The following EYS variants were observed in gnomAD, a reference collection of about 807,000 sequenced individuals.
The protein encoded by EYS is EGF-like photoreceptor maintenance factor, also known as protein eyes shut homolog.
In EYS, 250 loss-of-function variants were observed where a neutral mutation model predicts 282.1. The observed-to-expected ratio is 0.89, with a 90% confidence interval of 0.80 to 0.98. EYS has a LOEUF of 0.98. Ranked by LOEUF, EYS falls within the 50% of genes least tolerant of loss-of-function variation. The pLI is 0.00. For synonymous variants in EYS, 1,355 were observed against 1,282.9 expected (o/e 1.06, Z -1.20); for missense variants, 4,016 against 3,709.0 (o/e 1.08, Z -2.15).
intron 12 of EYS, among the ~76,000 whole-genome samples, chr6:65,285,045 G>T (rs1768322038): frequency 6.6e-6 from 1 of 151,324 alleles, no homozygotes; most frequent in Non-Finnish European, 1.5e-5. Flanking sequence ...TCTATTAAAG[G>T]TCTTCCCTGA....
intron 36 of EYS, among the ~76,000 whole-genome samples, chr6:63,839,749 G>A (rs899728627): frequency 2.6e-5 from 4 of 152,178 alleles, no homozygotes; most frequent in Non-Finnish European, 4.4e-5. Flanking sequence ...CAGTGGAACT[G>A]TTGAATCACA....
intron 12 of EYS, among the ~76,000 whole-genome samples, chr6:65,095,133 C>T (rs556109571): frequency 1.3e-5 from 2 of 150,932 alleles, no homozygotes; most frequent in African/African-American, 2.4e-5. Flanking sequence ...TAAGACTTAT[C>T]GTGAAAAAAG....
At chr6:64,615,171 T>G (rs376254078) in intron 24 of EYS, among the ~76,000 whole-genome samples, 1 of 152,238 alleles carries the variant, frequency 6.6e-6, no homozygotes, top group East Asian at 1.9e-4. Context: ...TTAGTACTAA[T>G]GCAAATCAAT....
chr6:64,281,308 TA>T (rs1381795771), intron 30 of EYS, among the ~76,000 whole-genome samples: 23 of 152,198 alleles, frequency 1.5e-4, no homozygotes, highest in Admixed American at 3.3e-4. Flanking sequence ...ACTTGTATCT[TA>T]TTAAACTGTG....
chr6:64,223,333 ACAAT>A (rs1234209035), intron 31 of EYS, among the ~76,000 whole-genome samples: 1 of 152,100 alleles, frequency 6.6e-6, no homozygotes, highest in Non-Finnish European at 1.5e-5. Flanking sequence ...AATTAAAAGG[ACAAT>A]TAGTAAATTC....
intron 13 of EYS, among the ~76,000 whole-genome samples, chr6:65,002,793 A>T (rs1771507570): frequency 6.8e-6 from 1 of 147,674 alleles, no homozygotes; most frequent in Non-Finnish European, 1.5e-5. Context: ...GACATTTATT[A>T]GTTCCCCAAA....
intron 22 of EYS, among the ~76,000 whole-genome samples, chr6:64,748,182 A>G (rs1772617584): frequency 6.6e-6 from 1 of 152,228 alleles, no homozygotes; most frequent in Non-Finnish European, 1.5e-5. Context: ...TGTGCTACAT[A>G]TTTAAAGACA....
chr6:64,469,751 C>T (rs1028701604), intron 26 of EYS, among the ~76,000 whole-genome samples: 8 of 152,150 alleles, frequency 5.3e-5, no homozygotes, highest in African/African-American at 1.9e-4. Flanking sequence ...ACTCCTACAC[C>T]TCTTGTGGAG....
intron 12 of EYS, among the ~76,000 whole-genome samples, chr6:65,066,230 G>T (rs1469303756): frequency 6.6e-6 from 1 of 152,080 alleles, no homozygotes; most frequent in African/African-American, 2.4e-5. Flanking sequence ...CATGTATATT[G>T]TTACTAGAAT....
At chr6:63,869,199 G>T (rs1362488614) in intron 35 of EYS, among the ~76,000 whole-genome samples, 1 of 152,068 alleles carries the variant, frequency 6.6e-6, no homozygotes, top group Admixed American at 6.6e-5. Context: ...GCAAATAAAA[G>T]TCATAGAATG....
At chr6:64,456,153 G>A (rs1320798098) in intron 26 of EYS, among the ~76,000 whole-genome samples, 2 of 152,024 alleles carry the variant, frequency 1.3e-5, no homozygotes, top group Non-Finnish European at 2.9e-5. Context: ...TTGTGTAAGA[G>A]TTTTAGTTGA....
intron 1 of EYS, among the ~76,000 whole-genome samples, chr6:65,645,562 C>A (rs1487536742): frequency 6.6e-6 from 1 of 151,956 alleles, no homozygotes; most frequent in South Asian, 2.1e-4. Flanking sequence ...GGATTCAATG[C>A]CTATATCAAA....
At chr6:65,342,335 T>C (rs911885397) in intron 10 of EYS, among the ~76,000 whole-genome samples, 15 of 151,112 alleles carry the variant, frequency 9.9e-5, no homozygotes, top group African/African-American at 3.4e-4. Flanking sequence ...ATAACAGATA[T>C]AATTTAAAAG....
rs6903963 is a variant in EYS at position 63,953,880 on chromosome 6, G to T, written c.7055+30503C>A. ...AACAACTTGGCCTTACTGTTTTAGC[G>T]TAGCCCTCATGTCTGTGTGTGGTGG... is the stretch of plus-strand genomic sequence containing the variant. On this transcript the variant is annotated intron_variant, in intron 35 of 42. Coordinates refer to ENST00000503581, the MANE Select transcript of EYS (RefSeq NM_001142800.2). 7.9e-5 allele frequency among the ~76,000 whole-genome samples: 12 copies of T among 152,220 alleles called. No individual in the cohort carries two copies. In the South Asian group the frequency reaches 2.5e-3, roughly 32 times the overall value.
chr6:64,270,448 G>A (rs533486093), intron 30 of EYS, among the ~76,000 whole-genome samples: 1 of 151,936 alleles, frequency 6.6e-6, no homozygotes, highest in South Asian at 2.1e-4. Context: ...GGTATTGAGA[G>A]GTGAACGAAA....
intron 13 of EYS, among the ~76,000 whole-genome samples, chr6:65,024,382 T>C (rs906212912): frequency 6.6e-6 from 1 of 152,200 alleles, no homozygotes; most frequent in Non-Finnish European, 1.5e-5. Context: ...TTAGTAGGTA[T>C]TGTAGTCATT....
intron 12 of EYS, among the ~76,000 whole-genome samples, chr6:65,071,735 A>G (rs1418099726): frequency 6.6e-6 from 1 of 151,828 alleles, no homozygotes; most frequent in Admixed American, 6.6e-5. Flanking sequence ...TATTCCCTAG[A>G]AAGCATAGTA....
At chr6:64,013,305 T>C (rs1187266210) in intron 33 of EYS, among the ~76,000 whole-genome samples, 2 of 152,214 alleles carry the variant, frequency 1.3e-5, no homozygotes, top group Non-Finnish European at 2.9e-5. Flanking sequence ...GCATATTCTC[T>C]AGATTTCATG....
chr6:65,376,449 TAAG>T (rs1433909965), intron 8 of EYS, among the ~76,000 whole-genome samples: 3 of 152,094 alleles, frequency 2.0e-5, no homozygotes, highest in Non-Finnish European at 4.4e-5. Context: ...CCAACGAAAC[TAAG>T]AAGAAACTGC....
Sources: gnomAD v4.1 joint callset for allele counts (sites outside exome capture counted in the v4.1 genomes callset) on GRCh38, gnomAD v4.1.1 for gene constraint, MANE v1.5 for transcripts, NCBI Gene and HGNC (gene_info 2026-07-23, HGNC 2026-07-21) for gene names.